The following NKAIN2 variants were observed in gnomAD, a reference collection of about 807,000 sequenced individuals.
The protein encoded by NKAIN2 is sodium/potassium transporting ATPase interacting 2.
A neutral mutation model predicts 32.6 loss-of-function variants in NKAIN2; 14 were observed. The observed-to-expected ratio is 0.43, with a 90% CI of 0.28 to 0.67. The LOEUF is 0.67. Ranked by LOEUF, NKAIN2 falls within the 30% of genes least tolerant of loss-of-function variation. The pLI is 0.17. For missense variants in NKAIN2, 198 were observed against 258.3 expected, an observed-to-expected ratio of 0.77 and a Z score of 1.60; for synonymous variants, 80 against 87.2, an observed-to-expected ratio of 0.92 and a Z score of 0.46.
intron 4 of NKAIN2, among the ~76,000 whole-genome samples, chr6:124,694,960 G>A (rs886507253): frequency 1.3e-4 from 17 of 127,618 alleles, no homozygotes; most frequent in Admixed American, 1.0e-3. Flanking sequence ...TGGAGTTATT[G>A]ACTTTGTTTG....
intron 1 of NKAIN2, among the ~76,000 whole-genome samples, chr6:124,162,418 T>C (rs1323549280): frequency 6.6e-6 from 1 of 152,138 alleles, no homozygotes; most frequent in Admixed American, 6.6e-5. Context: ...AATGGAGTTT[T>C]GTTGGTATTT....
chr6:124,771,626 G>A (rs1778760565), intron 4 of NKAIN2, among the ~76,000 whole-genome samples: 1 of 152,122 alleles, frequency 6.6e-6, no homozygotes, highest in South Asian at 2.1e-4. Context: ...TTTATATGTA[G>A]ATTATAGTGT....
At chr6:124,707,110 G>A (rs1461288571) in intron 4 of NKAIN2, among the ~76,000 whole-genome samples, 26 of 151,098 alleles carry the variant, frequency 1.7e-4, no homozygotes, top group African/African-American at 7.3e-5. Context: ...TTGTTCTTGC[G>A]ATAGTTTACT....
intron 1 of NKAIN2, among the ~76,000 whole-genome samples, chr6:123,989,268 G>A (rs1582891690): frequency 6.6e-6 from 1 of 152,092 alleles, no homozygotes; most frequent in African/African-American, 2.4e-5. Context: ...TCTACTTTAA[G>A]CAAAATTTCA....
chr6:124,473,281 G>A (rs1446568153), intron 3 of NKAIN2, among the ~76,000 whole-genome samples: 1 of 152,172 alleles, frequency 6.6e-6, no homozygotes. Context: ...GGAGATGAGA[G>A]TTGACCAGGA....
At chr6:124,009,103 G>A (rs1780207907) in intron 1 of NKAIN2, among the ~76,000 whole-genome samples, 1 of 152,234 alleles carries the variant, frequency 6.6e-6, no homozygotes, top group South Asian at 2.1e-4. Context: ...AATTTACACT[G>A]TACAACTGTA....
intron 1 of NKAIN2, among the ~76,000 whole-genome samples, chr6:124,029,227 A>G (rs1296197317): frequency 6.6e-6 from 1 of 152,000 alleles, no homozygotes; most frequent in East Asian, 1.9e-4. Context: ...ATTGTGACGG[A>G]AAGTGCTTTG....
intron 1 of NKAIN2, among the ~76,000 whole-genome samples, chr6:123,804,555 T>C (rs1773134541): frequency 6.6e-6 from 1 of 152,188 alleles, no homozygotes; most frequent in Admixed American, 6.5e-5. Context: ...TGCTTTGCAT[T>C]CCTATTCATG....
intron 1 of NKAIN2, among the ~76,000 whole-genome samples, chr6:124,023,802 A>G (rs192654774): frequency 6.6e-6 from 1 of 152,146 alleles, no homozygotes; most frequent in African/African-American, 2.4e-5. Flanking sequence ...TTGAAAAGCT[A>G]CAGGATGTGA....
chr6:123,966,106 G>A (rs770174306), intron 1 of NKAIN2, among the ~76,000 whole-genome samples: 4 of 152,222 alleles, frequency 2.6e-5, no homozygotes, highest in Admixed American at 6.5e-5. Flanking sequence ...GCATGATTCC[G>A]CCTGCTGTTT....
chr6:123,925,245 A>G (rs566453057), intron 1 of NKAIN2, among the ~76,000 whole-genome samples: 1 of 152,324 alleles, frequency 6.6e-6, no homozygotes, highest in South Asian at 2.1e-4. Context: ...TGTTTTTTAT[A>G]CCCAATGCTA....
chr6:123,977,920 A>AT (rs1469949997), intron 1 of NKAIN2, among the ~76,000 whole-genome samples: 1 of 152,122 alleles, frequency 6.6e-6, no homozygotes, highest in Non-Finnish European at 1.5e-5. Context: ...TTGTAGGGAG[A>AT]TTTTTAAAGA....
chr6:124,595,859 A>G (rs472059), intron 3 of NKAIN2, among the ~76,000 whole-genome samples: 77,566 of 152,024 alleles, frequency 0.51, 21,461 homozygotes, highest in Non-Finnish European at 0.6. Context: ...CATAAGGTCT[A>G]TTTCTTAACC....
chr6:123,823,945 GA>G (rs1301102565), intron 1 of NKAIN2, among the ~76,000 whole-genome samples: 1 of 152,120 alleles, frequency 6.6e-6, no homozygotes, highest in Non-Finnish European at 1.5e-5. Flanking sequence ...GGAATAGATG[GA>G]AAACACATAG....
chr6:124,697,408 C>T (rs1176835734), intron 4 of NKAIN2, among the ~76,000 whole-genome samples: 1 of 152,100 alleles, frequency 6.6e-6, no homozygotes, highest in African/African-American at 2.4e-5. Flanking sequence ...CATGTAATAC[C>T]TAACTTATAT....
At chr6:124,745,093 G>A (rs926842640) in intron 4 of NKAIN2, among the ~76,000 whole-genome samples, 1 of 151,682 alleles carries the variant, frequency 6.6e-6, no homozygotes, top group African/African-American at 2.4e-5. Flanking sequence ...TAATACTATG[G>A]TGGAAAAGAC....
intron 2 of NKAIN2, among the ~76,000 whole-genome samples, chr6:124,299,020 A>G (rs1187777669): frequency 6.6e-6 from 1 of 152,212 alleles, no homozygotes; most frequent in Non-Finnish European, 1.5e-5. Context: ...AAATGTTTTT[A>G]GATCAAATTG....
chr6:124,608,315 C>G (rs1782569953), intron 3 of NKAIN2, among the ~76,000 whole-genome samples: 1 of 152,148 alleles, frequency 6.6e-6, no homozygotes, highest in Admixed American at 6.6e-5. Flanking sequence ...TCCATGTTAT[C>G]AATGCAGACC....
At chr6:124,096,473 C>G (rs1784651087) in intron 1 of NKAIN2, among the ~76,000 whole-genome samples, 1 of 152,200 alleles carries the variant, frequency 6.6e-6, no homozygotes, top group Non-Finnish European at 1.5e-5. Context: ...TTAGTTACAG[C>G]TCAACAGCTT....
Sources: allele counts gnomAD v4.1 joint callset (sites outside exome capture counted in the v4.1 genomes callset), GRCh38; gene constraint gnomAD v4.1.1; transcripts MANE v1.5; gene names NCBI Gene and HGNC (gene_info 2026-07-23, HGNC 2026-07-21).